Variants in CEP128 observed in about 807,000 individuals in gnomAD.
CEP128 encodes centrosomal protein 128.
Under a neutral mutation model 156.7 loss-of-function variants are expected in CEP128, and 132 were observed. That is an observed-to-expected ratio of 0.84 (90% CI 0.73 to 0.97). The LOEUF (loss-of-function observed/expected upper bound fraction) is 0.97. Ranked by LOEUF, CEP128 falls within the 50% of genes least tolerant of loss-of-function variation. CEP128 has a pLI of 0.00. For synonymous variants in CEP128, 469 were observed against 448.9 expected (o/e 1.04, Z -0.57); for missense variants, 1,252 against 1,281.9 (o/e 0.98, Z 0.36).
Position 80,952,772 on chromosome 14 carries a change from GA to G in CEP128, c.-172+5405del, listed in dbSNP as rs912912885. ...AACCCTCTGGATAAAGTACTTAGGT[GA>G]AAAAAAGAAGATACAAATTATCAAT... On this transcript the variant is annotated intron_variant, in intron 2 of 7. Coordinates refer to the CEP128 transcript ENST00000555529. Among the ~76,000 whole-genome samples the G allele has an allele frequency of 2.2e-4, 33 of 151,916 alleles. 1 individual carries two copies. Among genetic ancestry groups the G allele is most frequent in the African/African-American group, 7.7e-4 (32 of 41,372 alleles).
At chr14:80,533,642 A>G (rs1385091574) in intron 21 of CEP128, among the ~76,000 whole-genome samples, 2 of 151,766 alleles carry the variant, frequency 1.3e-5, no homozygotes, top group South Asian at 2.1e-4. Flanking sequence ...TTCTCAGTGC[A>G]GTTATTTTTA....
At chr14:80,488,973 A>G (rs61979242), downstream of CEP128, among the ~76,000 whole-genome samples, 64,995 of 123,228 alleles carry the variant, frequency 0.53, 16,531 homozygotes, top group Middle Eastern at 0.73. Context: ...ATCACACTCC[A>G]GGGACTGTTG....
chr14:80,772,052 G>GT (rs1900538410), intron 16 of CEP128, among the ~76,000 whole-genome samples: 1 of 152,118 alleles, frequency 6.6e-6, no homozygotes, highest in Admixed American at 6.6e-5. Context: ...GATACCAAAT[G>GT]TTTTTTGGAA....
chr14:80,815,898 TGTGGAATAATAGATACTGGAGACCCAC>T (rs984273245), intron 13 of CEP128, among the ~76,000 whole-genome samples: 8 of 151,958 alleles, frequency 5.3e-5, no homozygotes, highest in African/African-American at 1.9e-4. Context: ...GGACATAGAG[TGTGGAATAATAGATACTGGAGACCCAC>T]GTGGAATAAT....
intron 19 of CEP128, among the ~76,000 whole-genome samples, chr14:80,722,825 T>G (rs1467172859): frequency 2.8e-5 from 4 of 142,390 alleles, no homozygotes; most frequent in South Asian, 4.8e-4. Context: ...CTTTATCTTT[T>G]TTTTTTTTTT....
At chr14:80,924,663 G>A (rs986063784) in intron 2 of CEP128, among the ~76,000 whole-genome samples, 3 of 151,970 alleles carry the variant, frequency 2.0e-5, no homozygotes, top group African/African-American at 4.8e-5. Context: ...ATCCAAATAA[G>A]CTGAGCTCTT....
At chr14:80,566,961 T>C (rs1890941410) in intron 20 of CEP128, among the ~76,000 whole-genome samples, 1 of 151,802 alleles carries the variant, frequency 6.6e-6, no homozygotes, top group African/African-American at 2.4e-5. Flanking sequence ...AAGTGATATG[T>C]CATGTTCTAG....
intron 14 of CEP128, among the ~76,000 whole-genome samples, chr14:80,788,102 T>C (rs1295494982): frequency 6.6e-6 from 1 of 152,130 alleles, no homozygotes; most frequent in Non-Finnish European, 1.5e-5. Context: ...GATCTGATTC[T>C]GGTTAATTGC....
At chr14:80,776,632 T>C (rs1900809423) in intron 16 of CEP128, among the ~76,000 whole-genome samples, 1 of 151,152 alleles carries the variant, frequency 6.6e-6, no homozygotes, top group Non-Finnish European at 1.5e-5. Context: ...AGTTTCTTCC[T>C]AGAAGTTTAT....
chr14:80,753,337 C>T (rs1378653813), intron 18 of CEP128, among the ~76,000 whole-genome samples: 2 of 152,118 alleles, frequency 1.3e-5, no homozygotes, highest in African/African-American at 4.8e-5. Flanking sequence ...AAAAGTATAG[C>T]TTTATACCGT....
At chr14:80,806,200 G>T (rs1595431245) in intron 13 of CEP128, among the ~76,000 whole-genome samples, 1 of 152,070 alleles carries the variant, frequency 6.6e-6, no homozygotes, top group African/African-American at 2.4e-5. Flanking sequence ...ATTAAAAATA[G>T]TTATTTCCAA....
Position 80,843,228 on chromosome 14 carries a change from C to T in CEP128, c.763-2460G>A, listed in dbSNP as rs368063090. Among the ~76,000 whole-genome samples, 10 of 152,090 alleles carry T rather than the reference C, an allele frequency of 6.6e-5. 2 individuals are homozygous for T. The highest frequency in any genetic ancestry group is 3.9e-4 in the Admixed American group (6 of 15,246). On this transcript the variant is annotated intron_variant, in intron 9 of 24. Coordinates refer to ENST00000555265, the MANE Select transcript of CEP128 (RefSeq NM_152446.5). ...TAGGGAATTAAAGGCCCTTTGTCTGCTTTAAATGGACCAGCAAGCTTGGTT... is the reference window on the plus strand; with the variant it reads ...TAGGGAATTAAAGGCCCTTTGTCTGTTTTAAATGGACCAGCAAGCTTGGTT...
chr14:80,612,057 C>CA (rs1476968668), intron 19 of CEP128, among the ~76,000 whole-genome samples: 2 of 149,818 alleles, frequency 1.3e-5, no homozygotes, highest in Non-Finnish European at 3.0e-5. Context: ...GACTCTGTCT[C>CA]AAAAAAATAA....
At position 80,556,054 on chromosome 14, in the gene CEP128, T is replaced by C. The variant is rs190464426; in HGVS notation, c.2880+3225A>G. Among the ~76,000 whole-genome samples the C allele has an allele frequency of 7.9e-5, 12 of 151,692 alleles. No individual in the cohort carries two copies. In the East Asian group the frequency reaches 1.8e-3, roughly 22 times the overall value. On this transcript the variant is annotated intron_variant, in intron 21 of 24. Transcript: ENST00000555265. ...AATGCCTCATATTGAGCCCAATAAA[T>C]TTCCACTGCTGAGTCCCATCCTTGG...
downstream of CEP128, among the ~76,000 whole-genome samples, chr14:80,489,621 G>T (rs1887255842): frequency 6.7e-6 from 1 of 150,154 alleles, no homozygotes; most frequent in African/African-American, 2.5e-5. Context: ...AGGAATTGGT[G>T]CTAGCTTTCA....
intron 19 of CEP128, among the ~76,000 whole-genome samples, chr14:80,588,988 G>A (rs1015387480): frequency 8.5e-5 from 13 of 152,066 alleles, no homozygotes; most frequent in African/African-American, 2.7e-4. Context: ...AAGAAAGTGG[G>A]AATTAAGGTA....
chr14:80,751,417 G>T (rs1899386460), intron 18 of CEP128, among the ~76,000 whole-genome samples: 1 of 152,074 alleles, frequency 6.6e-6, no homozygotes, highest in Non-Finnish European at 1.5e-5. Flanking sequence ...TCTTCATTAA[G>T]TGTCTTGAGG....
At chr14:80,707,835 C>T (rs1469012392) in intron 19 of CEP128, among the ~76,000 whole-genome samples, 1 of 152,040 alleles carries the variant, frequency 6.6e-6, no homozygotes, top group Non-Finnish European at 1.5e-5. Context: ...TTTTTGCAAT[C>T]CTTTTTGTCA....
chr14:80,634,665 A>C (rs932211717), intron 19 of CEP128, among the ~76,000 whole-genome samples: 5 of 152,096 alleles, frequency 3.3e-5, no homozygotes, highest in Non-Finnish European at 7.4e-5. Context: ...CCAACCTCGC[A>C]AGTTTAGTTA....
Sources: allele counts gnomAD v4.1 joint callset (sites outside exome capture counted in the v4.1 genomes callset), GRCh38; gene constraint gnomAD v4.1.1; transcripts MANE v1.5; gene names NCBI Gene and HGNC (gene_info 2026-07-23, HGNC 2026-07-21).